TTLL12: variants seen among roughly 807,000 people sequenced by gnomAD.
TTLL12 encodes the protein tubulin--tyrosine ligase-like protein 12.
A neutral mutation model predicts 79.6 loss-of-function variants in TTLL12; 77 were observed. That is an observed-to-expected ratio of 0.97 (90% CI 0.81 to 1.17). The LOEUF (loss-of-function observed/expected upper bound fraction) is 1.17, where lower values mean the gene tolerates loss of function less well. Ranked by LOEUF, TTLL12 falls within the 50% of genes most tolerant of loss-of-function variation. The probability of loss-of-function intolerance (pLI) is 0.00; values close to 1 mark genes in which losing one functional copy is unlikely to be tolerated. For synonymous variants in TTLL12, 437 were observed against 376.1 expected (o/e 1.16, Z -1.87); for missense variants, 969 against 895.9 (o/e 1.08, Z -1.04).
chr22:43,174,121 G>T, intron 8 of TTLL12, 88 bp downstream of exon 8: 1 of 1,493,886 alleles, frequency 6.7e-7, no homozygotes, highest in African/African-American at 1.4e-5. Context: ...GGTTTCCACA[G>T]TGGGTGCTCA....
In TTLL12 at chr22:43,179,810, C is replaced by T. The variant is rs752166624; in HGVS notation, c.706+31G>A. 15 of 1,555,968 alleles carry T rather than the reference C, an allele frequency of 9.6e-6. No individual in the cohort carries two copies. The Admixed American group carries it at 2.1e-4, about 21-fold the overall frequency. ...GTGACGGGACACTGGGCTGAGGCCCCTCCTCCAGGGCGGGCAGGTGCTGGA... is the reference window on the plus strand; with the variant it reads ...GTGACGGGACACTGGGCTGAGGCCCTTCCTCCAGGGCGGGCAGGTGCTGGA... On this transcript the variant is annotated intron_variant, in intron 4 of 13. Transcript: ENST00000216129.
At chr22:43,172,345 C>T (rs1931787006) in intron 10 of TTLL12, 58 bp downstream of exon 10, 3 of 1,597,228 alleles carry the variant, frequency 1.9e-6, no homozygotes, top group Non-Finnish European at 2.6e-6. Context: ...CACCCACCCG[C>T]TACCTCCACC....
chr22:43,186,173 C>T (rs1269475263), intron 1 of TTLL12, among the ~76,000 whole-genome samples: 1 of 143,324 alleles, frequency 7.0e-6, no homozygotes, highest in Non-Finnish European at 1.5e-5. Flanking sequence ...GATGTCGGGT[C>T]CCAGCTAAAG....
At chr22:43,178,796 T>C (rs1211757305) in intron 5 of TTLL12, among the ~76,000 whole-genome samples, 1 of 152,228 alleles carries the variant, frequency 6.6e-6, no homozygotes. Flanking sequence ...GCAAATGACT[T>C]AACCTCTCTG....
At chr22:43,181,374 G>T (rs968092408) in intron 2 of TTLL12, among the ~76,000 whole-genome samples, 1 of 152,094 alleles carries the variant, frequency 6.6e-6, no homozygotes, top group Non-Finnish European at 1.5e-5. Context: ...TGCAGGCCTG[G>T]CACACCACAG....
rs376168412 is a variant in TTLL12 at position 43,172,597 on chromosome 22, C to G, written c.1342-43G>C. ...AAGCTCGCTGGTGGCCAGGACAGAG[C>G]CCCCTGGGGCTCCCGAGCACACAAA... is the stretch of plus-strand genomic sequence containing the variant. On this transcript the variant is annotated intron_variant, in intron 9 of 13. Transcript: ENST00000216129. 6 of 1,610,534 alleles carry G rather than the reference C, an allele frequency of 3.7e-6. No individual in the cohort carries two copies. In the South Asian group the frequency reaches 6.6e-5, roughly 18 times the overall value.
rs371382502 is a variant in TTLL12 at position 43,178,802 on chromosome 22, C to A, written c.840+817G>T. On this transcript the variant is annotated intron_variant, in intron 5 of 13. Transcript: ENST00000216129. ...TGACCCCTGGCAAATGACTTAACCT[C>A]TCTGTGTCTCAATGTCCTCATCCTC... Among the ~76,000 whole-genome samples the A allele has an allele frequency of 7.9e-5, 12 of 152,370 alleles. 1 individual carries two copies. In the East Asian group the frequency reaches 2.3e-3, roughly 29 times the overall value.
chr22:43,174,333 C>A lies in TTLL12; in HGVS notation c.1105G>T (p.Asp369Tyr), dbSNP rs761796579. ...CGGCGCGCGATGGAGGCCAGGCAGTCCTTGACAGTCAGCAGGTTCTCGCAG... is the reference window on the plus strand; with the variant it reads ...CGGCGCGCGATGGAGGCCAGGCAGTACTTGACAGTCAGCAGGTTCTCGCAG... ...FPCENLLTVK[D>Y]CLASIARRAG... is the part of the protein sequence containing the mutation. The change falls in exon 8 of 14, where the codon GAC becomes TAC. Residue 369 changes from aspartate to tyrosine, a missense_variant. Physicochemically the swap from Asp to Tyr is radical, Grantham distance 160 (BLOSUM62 -3). Coordinates refer to ENST00000216129, the MANE Select transcript of TTLL12 (RefSeq NM_015140.4). 6.2e-7 allele frequency: 1 copy of A among 1,605,106 alleles called. No homozygotes were observed. The highest frequency in any genetic ancestry group is 8.5e-7 in the Non-Finnish European group (1 of 1,175,294).
chr22:43,180,157 C>T (rs1041927894), intron 3 of TTLL12, among the ~76,000 whole-genome samples, 157 bp from the exon 4 acceptor site: 48 of 152,250 alleles, frequency 3.2e-4, no homozygotes, highest in Admixed American at 5.9e-4. Flanking sequence ...CTAGGGGCTC[C>T]GGGACAGCAG....
chr22:43,179,168 G>A (rs905635588), intron 5 of TTLL12, among the ~76,000 whole-genome samples: 37 of 152,152 alleles, frequency 2.4e-4, no homozygotes, highest in Non-Finnish European at 2.9e-5. Flanking sequence ...TGGGTCCCTC[G>A]GGGCCCTGAC....
In TTLL12 at chr22:43,170,801, T is replaced by C. The variant is rs192914664; in HGVS notation, c.1575+1018A>G. 3.7e-4 allele frequency among the ~76,000 whole-genome samples: 56 copies of C among 152,226 alleles called. 1 individual carries two copies. The highest frequency in any genetic ancestry group is 1.3e-3 in the African/African-American group (56 of 41,538). On this transcript the variant is annotated intron_variant, in intron 11 of 13. Coordinates refer to ENST00000216129, the MANE Select transcript of TTLL12 (RefSeq NM_015140.4). ...GGAGGCACGTGCCCGTAGTCCCAGCTACTTTAGGGGGCTGAGGCAGAAGGA... is the reference window on the plus strand; with the variant it reads ...GGAGGCACGTGCCCGTAGTCCCAGCCACTTTAGGGGGCTGAGGCAGAAGGA...
rs12106577 is a variant in TTLL12 at position 43,168,263 on chromosome 22, C to T, written c.1784-104G>A. ...AAGGCTGGGAGGCCATGAACCTGGG[C>T]CCTGATTCCCAGGGGATGAGCAGGA... On this transcript the variant is annotated intron_variant, in intron 13 of 13. Transcript: ENST00000216129. 4,025 of 1,473,626 alleles carry T rather than the reference C, an allele frequency of 2.7e-3. 88 individuals carry two copies. The African/African-American group carries it at 0.048, about 18-fold the overall frequency. The allele number at this position is 1,473,626 out of a possible 1,614,324, so 91.3% of individuals were successfully genotyped here.
intron 6 of TTLL12, chr22:43,175,592 G>A (rs982439129): frequency 6.6e-6 from 1 of 152,204 alleles, no homozygotes; most frequent in Non-Finnish European, 1.5e-5. Flanking sequence ...GGTGGCCAAC[G>A]CTTCTGCCCA....
intron 1 of TTLL12, among the ~76,000 whole-genome samples, chr22:43,183,935 T>C (rs1932120411): frequency 1.3e-5 from 2 of 152,246 alleles, no homozygotes; most frequent in Admixed American, 6.5e-5. Flanking sequence ...AACTATCCCA[T>C]GCGTGTTTCC....
rs1387430455 is a variant in TTLL12, at chr22:43,180,852, C to T, written c.436G>A (p.Ala146Thr). 1.9e-6 allele frequency: 3 copies of T among 1,612,952 alleles called. No individual in the cohort carries two copies. The East Asian group carries it at 6.7e-5, about 36-fold the overall frequency. The change falls in exon 3 of 14, where the codon GCC becomes ACC. Residue 146 changes from alanine (A) to threonine (T), a missense_variant. Transcript: ENST00000216129. ...TGGAACTCAATGCCCATCAGGTTGG[C>T]CATGCGGTGCAGCAGCCCGGGCACC... ...QQVPGLLHRM[A>T]NLMGIEFHGE...
chr22:43,178,721 C>T (rs565595271), intron 5 of TTLL12, among the ~76,000 whole-genome samples: 60 of 152,338 alleles, frequency 3.9e-4, no homozygotes, highest in South Asian at 8.3e-4. Flanking sequence ...TGACTTCAGT[C>T]GCCGTGGGGG....
intron 12 of TTLL12, 56 bp downstream of exon 12, chr22:43,169,444 C>T (rs974600114): frequency 1.6e-4 from 231 of 1,448,816 alleles, no homozygotes; most frequent in Non-Finnish European, 2.0e-4. Context: ...CTCCTGCAGG[C>T]CCCCAGCCCG....
chr22:43,185,125 G>A (rs560788015), intron 1 of TTLL12, among the ~76,000 whole-genome samples: 6 of 151,706 alleles, frequency 4.0e-5, no homozygotes, highest in African/African-American at 1.5e-4. Flanking sequence ...CTACTCGGGA[G>A]GCTGAGGCAG....
chr22:43,177,299 T>C (rs1018936189), intron 5 of TTLL12, among the ~76,000 whole-genome samples: 5 of 151,920 alleles, frequency 3.3e-5, no homozygotes, highest in African/African-American at 9.7e-5. Context: ...AGCCCAGGAA[T>C]TGGAAATGGC....
Sources: allele counts gnomAD v4.1 joint callset (sites outside exome capture counted in the v4.1 genomes callset), GRCh38; gene constraint gnomAD v4.1.1; transcripts MANE v1.5; gene names NCBI Gene and HGNC (gene_info 2026-07-23, HGNC 2026-07-21).